The following CLPB variants were observed in gnomAD, a reference collection of about 807,000 sequenced individuals.
The protein encoded by CLPB is mitochondrial disaggregase.
A neutral mutation model predicts 78.4 loss-of-function variants in CLPB; 40 were observed. That is an observed-to-expected ratio of 0.51 (90% CI 0.40 to 0.66). The LOEUF is 0.66. CLPB is among the 30% of genes least tolerant of loss of function. CLPB has a pLI of 0.00. For synonymous variants in CLPB, 333 were observed against 348.0 expected (o/e 0.96, Z 0.48); for missense variants, 780 against 886.9 (o/e 0.88, Z 1.53).
At position 72,293,047 on chromosome 11, in the gene CLPB, C is replaced by T. The variant is rs1013421182; in HGVS notation, c.*320G>A. On this transcript the variant is annotated 3_prime_UTR_variant, in exon 16 of 16. Transcript: ENST00000538039. ...TTCCTGGGAACATGAGAAAGTCTGGCGACTATGGGGGATGGGGATCATTCT... is the reference window on the plus strand; with the variant it reads ...TTCCTGGGAACATGAGAAAGTCTGGTGACTATGGGGGATGGGGATCATTCT... 12 of 249,440 alleles carry T rather than the reference C, an allele frequency of 4.8e-5. No individual in the cohort carries two copies. The highest frequency in any genetic ancestry group is 8.7e-5 in the African/African-American group (4 of 45,890). 15.5% of individuals were successfully genotyped at this position (249,440 alleles called of 1,614,324 possible).
intron 5 of CLPB, 68 bp downstream of exon 5, chr11:72,358,801 TCCCACCCCTCC>T: frequency 7.8e-5 from 8 of 102,144 alleles, no homozygotes; most frequent in South Asian, 2.9e-4. Context: ...CCAAGCCCCA[TCCCACCCCTCC>T]TCCACCCCCC....
At chr11:72,306,076 G>A (rs920723881) in intron 9 of CLPB, among the ~76,000 whole-genome samples, 3 of 152,170 alleles carry the variant, frequency 2.0e-5, no homozygotes, top group Admixed American at 6.5e-5. Context: ...TATCTCGGTC[G>A]GAGCGCATTA....
chr11:72,301,239 A>G (rs1949649991), intron 11 of CLPB, among the ~76,000 whole-genome samples: 1 of 152,202 alleles, frequency 6.6e-6, no homozygotes, highest in Non-Finnish European at 1.5e-5. Context: ...GGAACTGGAC[A>G]GTCTGTGAGA....
chr11:72,399,915 G>GTA (rs1313956216), intron 3 of CLPB, among the ~76,000 whole-genome samples: 2 of 152,124 alleles, frequency 1.3e-5, no homozygotes, highest in Non-Finnish European at 2.9e-5. Context: ...GATTGTGCTG[G>GTA]TATGGATATG....
chr11:72,394,056 T>C (rs1194118802), intron 3 of CLPB, among the ~76,000 whole-genome samples: 2 of 152,220 alleles, frequency 1.3e-5, no homozygotes, highest in African/African-American at 4.8e-5. Context: ...CATTCATACA[T>C]AAACAATGAA....
intron 4 of CLPB, among the ~76,000 whole-genome samples, chr11:72,365,802 C>T (rs141987011): frequency 3.0e-3 from 450 of 152,166 alleles, no homozygotes; most frequent in African/African-American, 0.01. Flanking sequence ...ATATAAGCAA[C>T]GGGGAAAGGA....
chr11:72,398,522 C>T (rs1855472888), intron 3 of CLPB, among the ~76,000 whole-genome samples: 1 of 152,006 alleles, frequency 6.6e-6, no homozygotes, highest in Admixed American at 6.6e-5. Context: ...CTTCCACCGT[C>T]TGTCCGTGTT....
chr11:72,302,029 T>A (rs553050459), intron 10 of CLPB, 65 bp from the exon 11 acceptor site: 1 of 1,563,298 alleles, frequency 6.4e-7, no homozygotes, highest in African/African-American at 1.4e-5. Flanking sequence ...ACATGGGGCA[T>A]GCATGGGAAG....
intron 3 of CLPB, among the ~76,000 whole-genome samples, chr11:72,401,125 A>G (rs1855548264): frequency 3.3e-5 from 5 of 152,176 alleles, no homozygotes; most frequent in Non-Finnish European, 7.3e-5. Context: ...TACGAAGCCT[A>G]TTTATATCAA....
chr11:72,378,131 A>G (rs1854777305), intron 4 of CLPB, among the ~76,000 whole-genome samples: 1 of 152,216 alleles, frequency 6.6e-6, no homozygotes, highest in Non-Finnish European at 1.5e-5. Flanking sequence ...TAGCTCTGAG[A>G]TTCTATAAAA....
At chr11:72,354,284 T>A in intron 5 of CLPB, 1 of 390,404 alleles carries the variant, frequency 2.6e-6, no homozygotes, top group Non-Finnish European at 4.5e-6. Flanking sequence ...TGTGTATATA[T>A]ATATATATAT....
chr11:72,379,337 C>T (rs1213618457), intron 4 of CLPB, among the ~76,000 whole-genome samples: 6 of 152,316 alleles, frequency 3.9e-5, no homozygotes, highest in East Asian at 3.9e-4. Context: ...TCAGAGGGAT[C>T]GCAGCCTCTG....
rs780554501 is a variant in CLPB at position 72,372,971 on chromosome 11, C to T, written c.646+7310G>A. ...ATCTCCTGAACTCCAGGGCACTTGTCCACTGGTTTGTGATGTGCCGGCTTG... is the reference window on the plus strand; with the variant it reads ...ATCTCCTGAACTCCAGGGCACTTGTTCACTGGTTTGTGATGTGCCGGCTTG... On this transcript the variant is annotated intron_variant, in intron 4 of 15. Coordinates refer to ENST00000538039, the MANE Select transcript of CLPB (RefSeq NM_001258392.3). 1.1e-5 allele frequency: 18 copies of T among 1,613,992 alleles called. No individual in the cohort carries two copies. The highest frequency in any genetic ancestry group is 1.4e-5 in the Non-Finnish European group (17 of 1,179,994).
intron 5 of CLPB, chr11:72,357,207 C>G (rs1590840295): frequency 6.6e-6 from 1 of 151,118 alleles, no homozygotes; most frequent in Admixed American, 6.6e-5. Context: ...GCTAGCATGG[C>G]TGTGGCTGAC....
intron 6 of CLPB, among the ~76,000 whole-genome samples, chr11:72,325,425 TG>T (rs1309166829): frequency 2.0e-5 from 3 of 152,124 alleles, no homozygotes; most frequent in Non-Finnish European, 4.4e-5. Flanking sequence ...CCCAGCCAGA[TG>T]GCAAACTCAG....
chr11:72,350,717 T>TG, intron 5 of CLPB, among the ~76,000 whole-genome samples: 1 of 152,258 alleles, frequency 6.6e-6, no homozygotes. Context: ...GCTGTGGGGT[T>TG]GATCTGGTCC....
At chr11:72,408,468 C>T (rs1374006030) in intron 2 of CLPB, among the ~76,000 whole-genome samples, 1 of 151,934 alleles carries the variant, frequency 6.6e-6, no homozygotes, top group East Asian at 1.9e-4. Context: ...GAGATCAAGA[C>T]CATCCTGGCT....
At chr11:72,324,211 G>A (rs987578023) in intron 6 of CLPB, among the ~76,000 whole-genome samples, 6 of 152,054 alleles carry the variant, frequency 3.9e-5, no homozygotes, top group African/African-American at 1.5e-4. Flanking sequence ...TGAAAATACA[G>A]TGATCCATAC....
intron 1 of CLPB, among the ~76,000 whole-genome samples, chr11:72,431,767 G>A (rs1233656150): frequency 6.6e-6 from 1 of 152,058 alleles, no homozygotes; most frequent in African/African-American, 2.4e-5. Flanking sequence ...TAAGAACCAG[G>A]GCCTCCTGGC....
Sources: allele counts gnomAD v4.1 joint callset (sites outside exome capture counted in the v4.1 genomes callset), GRCh38; gene constraint gnomAD v4.1.1; transcripts MANE v1.5; gene names NCBI Gene and HGNC (gene_info 2026-07-23, HGNC 2026-07-21).